CDH10: variants seen among roughly 807,000 people sequenced by gnomAD.
CDH10 encodes the protein cadherin-10.
CDH10 carries 30 observed loss-of-function variants against 73.1 expected under a neutral mutation model. That is an observed-to-expected ratio of 0.41 (90% CI 0.31 to 0.56). CDH10 has a LOEUF of 0.56. Ranked by LOEUF, CDH10 falls within the 20% of genes least tolerant of loss-of-function variation. The pLI, the probability that CDH10 is intolerant of heterozygous loss-of-function variation, is 0.27. For synonymous variants in CDH10, 345 were observed against 348.2 expected, an observed-to-expected ratio of 0.99 and a Z score of 0.10; for missense variants, 815 against 973.7, an observed-to-expected ratio of 0.84 and a Z score of 2.17.
At chr5:24,566,400 C>A (rs1745166398) in intron 2 of CDH10, among the ~76,000 whole-genome samples, 1 of 152,030 alleles carries the variant, frequency 6.6e-6, no homozygotes, top group African/African-American at 2.4e-5. Flanking sequence ...TGTGAAAATG[C>A]AAAAGATATA....
chr5:24,510,641 T>G (rs1389899147), intron 6 of CDH10, among the ~76,000 whole-genome samples: 1 of 152,192 alleles, frequency 6.6e-6, no homozygotes, highest in Admixed American at 6.5e-5. Flanking sequence ...TAATAACAGT[T>G]GGTTTTGTAC....
chr5:24,581,864 G>C (rs1019658281), intron 2 of CDH10, among the ~76,000 whole-genome samples: 1 of 152,036 alleles, frequency 6.6e-6, no homozygotes, highest in Non-Finnish European at 1.5e-5. Flanking sequence ...AAAAGTAAAC[G>C]TTTTGATCTA....
At chr5:24,505,943 G>A (rs1035420596) in intron 7 of CDH10, among the ~76,000 whole-genome samples, 2 of 151,966 alleles carry the variant, frequency 1.3e-5, no homozygotes, top group East Asian at 1.9e-4. Context: ...GTGAAATTCC[G>A]TCTCTATTAA....
chr5:24,644,175 G>C (rs1163699008), intron 1 of CDH10, among the ~76,000 whole-genome samples: 1 of 152,116 alleles, frequency 6.6e-6, no homozygotes, highest in Non-Finnish European at 1.5e-5. Flanking sequence ...CCATTCATAT[G>C]GAATGCAAAG....
At chr5:24,593,645 G>T (rs1013378267) in intron 1 of CDH10, 32 bp from the exon 2 acceptor site, 23 of 564,328 alleles carry the variant, frequency 4.1e-5, no homozygotes, top group Admixed American at 6.8e-5. Context: ...AAAAAAGTTA[G>T]TTGACAACAT....
intron 1 of CDH10, among the ~76,000 whole-genome samples, chr5:24,638,301 T>C (rs1747933537): frequency 6.6e-6 from 1 of 151,658 alleles, no homozygotes; most frequent in Admixed American, 6.6e-5. Flanking sequence ...GACAGTTAGC[T>C]AGAAGACAAG....
At chr5:24,643,465 T>C (rs974950104) in intron 1 of CDH10, among the ~76,000 whole-genome samples, 13 of 151,614 alleles carry the variant, frequency 8.6e-5, no homozygotes, top group Non-Finnish European at 1.6e-4. Context: ...TCTACTAACA[T>C]ATGCATTGAA....
chr5:24,534,504 C>A (rs1395731829), intron 5 of CDH10, among the ~76,000 whole-genome samples: 1 of 151,994 alleles, frequency 6.6e-6, no homozygotes, highest in Non-Finnish European at 1.5e-5. Flanking sequence ...AGGTTCTTTA[C>A]CTATTCCTAA....
At chr5:24,617,073 A>G (rs977468499) in intron 1 of CDH10, among the ~76,000 whole-genome samples, 1 of 152,130 alleles carries the variant, frequency 6.6e-6, no homozygotes, top group Non-Finnish European at 1.5e-5. Flanking sequence ...AGGTGCATCA[A>G]GCTGTATTCA....
intron 8 of CDH10, among the ~76,000 whole-genome samples, chr5:24,503,433 A>G (rs1045973217): frequency 2.6e-5 from 4 of 152,194 alleles, no homozygotes; most frequent in Non-Finnish European, 5.9e-5. Context: ...CTGTGACCCA[A>G]GCAGTTCCAC....
At chr5:24,583,924 T>G (rs1298992781) in intron 2 of CDH10, among the ~76,000 whole-genome samples, 1 of 152,174 alleles carries the variant, frequency 6.6e-6, no homozygotes, top group Non-Finnish European at 1.5e-5. Context: ...ATTACAGGCG[T>G]GAGCCACCGT....
At chr5:24,527,320 C>T (rs1462398126) in intron 5 of CDH10, among the ~76,000 whole-genome samples, 1 of 147,174 alleles carries the variant, frequency 6.8e-6, no homozygotes, top group African/African-American at 2.5e-5. Context: ...AATATACAGT[C>T]TTATATATAT....
At chr5:24,556,144 A>T (rs1420917531) in intron 2 of CDH10, among the ~76,000 whole-genome samples, 1 of 152,160 alleles carries the variant, frequency 6.6e-6, no homozygotes, top group African/African-American at 2.4e-5. Flanking sequence ...GCTTTCTTCT[A>T]CATTACTAAT....
At chr5:24,534,636 T>C (rs1392897434) in intron 5 of CDH10, among the ~76,000 whole-genome samples, 1 of 152,138 alleles carries the variant, frequency 6.6e-6, no homozygotes, top group African/African-American at 2.4e-5. Context: ...CAGATAGTTT[T>C]CGGAGGTTCT....
At chr5:24,627,838 G>A (rs542162870) in intron 1 of CDH10, among the ~76,000 whole-genome samples, 35 of 151,848 alleles carry the variant, frequency 2.3e-4, no homozygotes, top group African/African-American at 7.7e-4. Flanking sequence ...TTACATATAC[G>A]AACAGTATGT....
intron 1 of CDH10, among the ~76,000 whole-genome samples, chr5:24,594,777 A>G (rs571101867): frequency 1.3e-5 from 2 of 151,802 alleles, no homozygotes; most frequent in African/African-American, 4.8e-5. Flanking sequence ...ATTCCAGTAT[A>G]CTCCATGTAT....
Position 24,487,991 on chromosome 5 carries a change from G to A in CDH10, c.2039C>T (p.Ala680Val), listed in dbSNP as rs759882971. ...TCGCCGGAGCTTTTTTTCCTCAATG[G>A]CTGCAGGATTCCTCAGGGTGCCGAT... Reference protein sequence around the residue: ...FDIGTLRNPAAIEEKKLRRDI... With the variant: ...FDIGTLRNPAVIEEKKLRRDI... The change falls in exon 12 of 12, where the codon GCC (alanine) becomes GTC (valine). Residue 680 changes from alanine (A) to valine (V), a missense_variant. Physicochemically the swap from Ala to Val is moderately conservative, Grantham distance 64. This residue lies in a region of CDH10 where 241 missense variants were observed against 240.3 expected (regional missense o/e 1.00). Transcript: ENST00000264463. The A allele has an allele frequency of 6.2e-7, 1 of 1,613,778 alleles. No individual in the cohort carries two copies. Among genetic ancestry groups the A allele is most frequent in the South Asian group, 1.1e-5 (1 of 91,052 alleles).
At position 24,487,757 on chromosome 5, in the gene CDH10, C is replaced by T. The variant is rs1253790143; in HGVS notation, c.2273G>A (p.Gly758Glu). 2.5e-6 allele frequency: 4 copies of T among 1,613,768 alleles called. No homozygotes were observed. The Admixed American group carries it at 5.0e-5, about 20-fold the overall frequency. Residue 758 changes from glycine to glutamate, a missense_variant, in exon 12 of 12, where the codon GGA becomes GAA. By Grantham distance (98) the Gly-to-Glu change is moderately conservative. Coordinates refer to ENST00000264463, the MANE Select transcript of CDH10 (RefSeq NM_006727.5). ...TCGGAGGTAATCGTAGTTTTGGTCT[C>T]CTTCAGTAGTACCTGATTCTAATGA... Reference protein sequence around the residue: ...LSSLESGTTEGDQNYDYLREW... With the variant: ...LSSLESGTTEEDQNYDYLREW...
chr5:24,549,551 C>CTTTTT lies in CDH10; in HGVS notation c.232-11882_232-11878dup, dbSNP rs56094828. On this transcript the variant is annotated intron_variant, in intron 2 of 11. Transcript: ENST00000264463. The stretch of plus-strand genomic sequence containing the variant: ...CAGAAGCCAATACACAATGGAATGA[C>CTTTTT]TTTTTTTTTTTTTTTTTGAGACAAA... Among the ~76,000 whole-genome samples, 13 of 133,468 alleles carry CTTTTT rather than the reference C, an allele frequency of 9.7e-5. 1 individual carries two copies. The highest frequency in any genetic ancestry group is 6.8e-4 in the East Asian group (3 of 4,436). The allele number at this position is 133,468 out of a possible 152,430, so 87.6% of individuals were successfully genotyped here. A position where few individuals can be genotyped will look rare whatever the true frequency, so the allele number is the denominator to read the frequency against.
Sources: allele counts gnomAD v4.1 joint callset (sites outside exome capture counted in the v4.1 genomes callset), GRCh38; gene constraint gnomAD v4.1.1; regional missense constraint gnomAD v4.1.1; transcripts MANE v1.5; gene names NCBI Gene and HGNC (gene_info 2026-07-23, HGNC 2026-07-21).